ADIPOR2: variants seen among roughly 807,000 people sequenced by gnomAD.
ADIPOR2 encodes adiponectin receptor 2.
Under a neutral mutation model 40.9 loss-of-function variants are expected in ADIPOR2, and 18 were observed. The observed-to-expected ratio is 0.44, with a 90% CI of 0.30 to 0.65. The LOEUF (loss-of-function observed/expected upper bound fraction) is 0.65, where lower values mean the gene tolerates loss of function less well. ADIPOR2 is among the 30% of genes least tolerant of loss of function. The pLI is 0.09. For missense variants in ADIPOR2, 283 were observed against 479.2 expected, an observed-to-expected ratio of 0.59 and a Z score of 3.82; for synonymous variants, 165 against 166.4, an observed-to-expected ratio of 0.99 and a Z score of 0.06.
chr12:1,715,975 T>A (rs1337235241), intron 1 of ADIPOR2, among the ~76,000 whole-genome samples: 1 of 152,074 alleles, frequency 6.6e-6, no homozygotes, highest in Non-Finnish European at 1.5e-5. Context: ...TGGTCGGGTC[T>A]CCTTCCACAC....
At chr12:1,695,428 T>G (rs1592565570) in intron 1 of ADIPOR2, among the ~76,000 whole-genome samples, 1 of 150,810 alleles carries the variant, frequency 6.6e-6, no homozygotes, top group African/African-American at 2.4e-5. Flanking sequence ...CCAAGGCAGG[T>G]GGATCACCTG....
intron 1 of ADIPOR2, among the ~76,000 whole-genome samples, chr12:1,695,578 G>A (rs1014271488): frequency 2.0e-5 from 3 of 149,286 alleles, no homozygotes; most frequent in African/African-American, 7.4e-5. Context: ...CAGGAGAATC[G>A]CTTGAAACTG....
chr12:1,706,678 C>T (rs555489526), intron 1 of ADIPOR2, among the ~76,000 whole-genome samples: 7 of 151,990 alleles, frequency 4.6e-5, no homozygotes, highest in Admixed American at 4.6e-4. Context: ...ATGTACATAC[C>T]CACCCAGATA....
intron 1 of ADIPOR2, among the ~76,000 whole-genome samples, chr12:1,701,127 C>CT (rs34379541): frequency 0.039 from 4,798 of 123,722 alleles, 150 homozygotes; most frequent in African/African-American, 0.073. Context: ...TGGTGTTGAT[C>CT]TTTTTTTTTT....
rs545067188 is a variant in ADIPOR2, at chr12:1,788,290, A to T, written c.*2218A>T. 4 of 152,596 alleles carry T rather than the reference A, an allele frequency of 2.6e-5. No individual in the cohort carries two copies. Among genetic ancestry groups the T allele is most frequent in the Non-Finnish European group, 4.4e-5 (3 of 68,032 alleles). The allele number at this position is 152,596 out of a possible 1,614,324, so 9.5% of individuals were successfully genotyped here. On this transcript the variant is annotated 3_prime_UTR_variant, in exon 8 of 8. Coordinates refer to ENST00000357103, the MANE Select transcript of ADIPOR2 (RefSeq NM_024551.3). Reference sequence around the variant, plus strand: ...TGTATGTGGGCATGTGCCCATTTCTATGTGTGTGTCTACGTGCAGCTCACT... The same window carrying T: ...TGTATGTGGGCATGTGCCCATTTCTTTGTGTGTGTCTACGTGCAGCTCACT...
At chr12:1,702,680 T>C (rs2094652845) in intron 1 of ADIPOR2, among the ~76,000 whole-genome samples, 1 of 152,240 alleles carries the variant, frequency 6.6e-6, no homozygotes, top group Non-Finnish European at 1.5e-5. Context: ...CATACTTCGA[T>C]TATGTTTGTT....
At chr12:1,726,165 A>G (rs555447621) in intron 1 of ADIPOR2, among the ~76,000 whole-genome samples, 15 of 152,174 alleles carry the variant, frequency 9.9e-5, no homozygotes, top group Non-Finnish European at 2.1e-4. Context: ...TGAGGTATGA[A>G]CTGAAGGGAA....
chr12:1,758,695 T>A (rs1466565081), intron 2 of ADIPOR2, among the ~76,000 whole-genome samples: 1 of 151,784 alleles, frequency 6.6e-6, no homozygotes, highest in African/African-American at 2.4e-5. Context: ...CTTCACATGA[T>A]TTGAGGAGTT....
At chr12:1,698,690 A>G (rs2094644296) in intron 1 of ADIPOR2, among the ~76,000 whole-genome samples, 1 of 152,238 alleles carries the variant, frequency 6.6e-6, no homozygotes, top group Non-Finnish European at 1.5e-5. Context: ...TAAATTGCCC[A>G]TACATTTTAT....
chr12:1,701,880 G>T (rs1461216205), intron 1 of ADIPOR2, among the ~76,000 whole-genome samples: 4 of 152,170 alleles, frequency 2.6e-5, no homozygotes, highest in Non-Finnish European at 5.9e-5. Flanking sequence ...TCAGCACTTT[G>T]GGAGGCTGAG....
intron 1 of ADIPOR2, among the ~76,000 whole-genome samples, chr12:1,713,675 G>T (rs1392681776): frequency 3.4e-4 from 51 of 152,156 alleles, no homozygotes; most frequent in African/African-American, 1.2e-3. Flanking sequence ...TCCCTAATAA[G>T]GGTATGGGAC....
chr12:1,707,935 A>G (rs554819341), intron 1 of ADIPOR2, among the ~76,000 whole-genome samples: 1 of 152,302 alleles, frequency 6.6e-6, no homozygotes, highest in East Asian at 1.9e-4. Flanking sequence ...TTGTGGATAC[A>G]AGTACTTTGT....
chr12:1,713,467 G>A (rs1240347510), intron 1 of ADIPOR2, among the ~76,000 whole-genome samples: 3 of 152,060 alleles, frequency 2.0e-5, no homozygotes, highest in Non-Finnish European at 4.4e-5. Context: ...GGCCTTAAGG[G>A]ATATTGCCTT....
intron 1 of ADIPOR2, among the ~76,000 whole-genome samples, chr12:1,742,650 C>A (rs1192593215): frequency 6.6e-6 from 1 of 152,214 alleles, no homozygotes; most frequent in East Asian, 1.9e-4. Flanking sequence ...CTAAGCACAT[C>A]TTCCTGTATA....
intron 3 of ADIPOR2, among the ~76,000 whole-genome samples, 183 bp from the exon 4 acceptor site, chr12:1,777,670 AT>A (rs1862626804): frequency 1.3e-5 from 2 of 151,968 alleles, no homozygotes; most frequent in Non-Finnish European, 2.9e-5. Flanking sequence ...GCAAAAATAT[AT>A]TTTTCATCAG....
chr12:1,757,431 C>T, intron 2 of ADIPOR2: 1 of 729,960 alleles, frequency 1.4e-6, no homozygotes, highest in East Asian at 2.5e-5. Context: ...GTGCCTCTCT[C>T]TGTTGGTTAT....
In ADIPOR2 at chr12:1,786,126, G is replaced by A. The variant is rs1242720201; in HGVS notation, c.*54G>A. 38 of 1,580,770 alleles carry A rather than the reference G, an allele frequency of 2.4e-5. No individual in the cohort carries two copies. The highest frequency in any genetic ancestry group is 1.5e-4 in the African/African-American group (11 of 73,506). On this transcript the variant is annotated 3_prime_UTR_variant, in exon 8 of 8. Coordinates refer to ENST00000357103, the MANE Select transcript of ADIPOR2 (RefSeq NM_024551.3). ...CTAAACCAGGGCCTGCGGCACTTGC[G>A]GGCCTCCCTGCTGGCTACTGATGCC...
chr12:1,743,229 C>CAAA (rs552711963), intron 1 of ADIPOR2, among the ~76,000 whole-genome samples: 3,395 of 55,056 alleles, frequency 0.062, 145 homozygotes, highest in African/African-American at 0.13. Context: ...CCATCTCTAC[C>CAAA]AAAAAAAAAA....
At chr12:1,750,885 T>C (rs2094767711) in intron 1 of ADIPOR2, among the ~76,000 whole-genome samples, 1 of 152,138 alleles carries the variant, frequency 6.6e-6, no homozygotes, top group Non-Finnish European at 1.5e-5. Flanking sequence ...CTGCAAATAG[T>C]TACAGTTTAC....
Sources: allele counts gnomAD v4.1 joint callset (sites outside exome capture counted in the v4.1 genomes callset), GRCh38; gene constraint gnomAD v4.1.1; transcripts MANE v1.5; gene names NCBI Gene and HGNC (gene_info 2026-07-23, HGNC 2026-07-21).